Variants in KRT8 observed in about 807,000 individuals in gnomAD.
The protein encoded by KRT8 is keratin 8, also known as keratin, type II cytoskeletal 8.
KRT8 carries 24 observed loss-of-function variants against 43.0 expected under a neutral mutation model. That is an observed-to-expected ratio of 0.56 (90% CI 0.40 to 0.78). The LOEUF (loss-of-function observed/expected upper bound fraction) is 0.78. Among genes scored for constraint, KRT8 ranks in the 30% least tolerant of loss-of-function variants. The pLI is 0.00. For missense variants in KRT8, 492 were observed against 638.4 expected, an observed-to-expected ratio of 0.77 and a Z score of 2.47; for synonymous variants, 214 against 261.2, an observed-to-expected ratio of 0.82 and a Z score of 1.74.
chr12:52,924,245 G>A (rs898370265), intron 2 of KRT8, among the ~76,000 whole-genome samples: 1 of 152,008 alleles, frequency 6.6e-6, no homozygotes, highest in Non-Finnish European at 1.5e-5. Flanking sequence ...TCAGGAAATC[G>A]AGACCATCCT....
intron 2 of KRT8, among the ~76,000 whole-genome samples, chr12:52,942,366 C>T (rs1942281694): frequency 1.3e-5 from 2 of 152,220 alleles, no homozygotes; most frequent in African/African-American, 4.8e-5. Context: ...GGGATTCAAA[C>T]TGAGATCTGT....
At chr12:52,938,170 A>ATT (rs780140219) in intron 2 of KRT8, among the ~76,000 whole-genome samples, 1,890 of 29,696 alleles carry the variant, frequency 0.064, 207 homozygotes, top group African/African-American at 0.091. Context: ...ATATATATAT[A>ATT]TTTTTTTTTT....
exon 8 of KRT8, chr12:52,897,503 C>CCTGGAGGAGCTGGTGCGG (rs1941240820): frequency 6.3e-7 from 1 of 1,598,992 alleles, no homozygotes; most frequent in Non-Finnish European, 8.5e-7. Flanking sequence ...CAACCACGGC[C>CCTGGAGGAGCTGGTGCGG]CTGGAGGAGC....
intron 2 of KRT8, among the ~76,000 whole-genome samples, chr12:52,926,174 G>A (rs921448608): frequency 1.8e-5 from 2 of 111,254 alleles, no homozygotes; most frequent in African/African-American, 3.5e-5. Flanking sequence ...TCTCCTGCTC[G>A]CTCAGGTATC....
chr12:52,900,017 A>C lies in KRT8; in HGVS notation c.739T>G (p.Ser247Ala), dbSNP rs764434285. Residue 247 changes from serine (S) to alanine (A), a missense_variant, in exon 5 of 8, where the codon TCC becomes GCC. Ser to Ala is a moderately conservative substitution (Grantham distance 99). This residue lies in a region of KRT8 where 389 missense variants were observed against 485.7 expected (regional missense o/e 0.80). Transcript: ENST00000692008. ...TCCAGGGAGCGGCTGTTGTCCATGGACAGCACCACAGATGTGTCCGAGATC... is the reference window on the plus strand; with the variant it reads ...TCCAGGGAGCGGCTGTTGTCCATGGCCAGCACCACAGATGTGTCCGAGATC... The C allele has an allele frequency of 5.0e-6, 8 of 1,612,896 alleles. No individual in the cohort carries two copies. The South Asian group carries it at 7.7e-5, about 16-fold the overall frequency.
chr12:52,929,742 C>T (rs981714829), intron 2 of KRT8, among the ~76,000 whole-genome samples: 2 of 152,128 alleles, frequency 1.3e-5, no homozygotes, highest in Non-Finnish European at 2.9e-5. Flanking sequence ...CCCACAGAGG[C>T]CAGATTAAGA....
chr12:52,919,462 T>C (rs1035012363), intron 2 of KRT8, among the ~76,000 whole-genome samples: 17 of 151,530 alleles, frequency 1.1e-4, no homozygotes, highest in African/African-American at 3.9e-4. Flanking sequence ...GAGACAGGGT[T>C]TCACCATGTT....
chr12:52,909,462 C>T (rs1335309717), upstream of KRT8, among the ~76,000 whole-genome samples: 2 of 152,212 alleles, frequency 1.3e-5, no homozygotes, highest in Non-Finnish European at 2.9e-5. Flanking sequence ...ATAATAGAGT[C>T]AATTCGATTG....
At chr12:52,899,805 G>A (rs1471980405) in exon 5 of KRT8, 1 of 1,611,972 alleles carries the variant, frequency 6.2e-7, no homozygotes. Flanking sequence ...TCTCAGCCTG[G>A]AGCCGGCTGA....
intron 2 of KRT8, chr12:52,948,527 T>A: frequency 6.1e-6 from 1 of 162,650 alleles, no homozygotes; most frequent in Non-Finnish European, 1.2e-5. Flanking sequence ...AGACAGAGTC[T>A]CACTCTGTCG....
upstream of KRT8, among the ~76,000 whole-genome samples, chr12:52,907,474 C>CA (rs543145853): frequency 2.3e-3 from 355 of 152,162 alleles, 3 homozygotes; most frequent in Middle Eastern, 6.8e-3. Flanking sequence ...GCACAAGGAG[C>CA]AAAAAAACAG....
At position 52,904,639 on chromosome 12, in the gene KRT8, A is replaced by G. The variant is rs1481511498; in HGVS notation, c.324+19T>C. The G allele has an allele frequency of 2.5e-6, 4 of 1,608,346 alleles. No individual in the cohort carries two copies. In the South Asian group the frequency reaches 4.4e-5, roughly 18 times the overall value. ...AAAGGGGCTGCGGGCACAGTCAGCC[A>G]CGCAGGGGGGACCCTCACCTTGTCT... On this transcript the variant is annotated intron_variant, in intron 1 of 7. Coordinates refer to ENST00000692008, the Ensembl canonical transcript of KRT8.
At chr12:52,937,369 T>C (rs1406196600) in intron 2 of KRT8, among the ~76,000 whole-genome samples, 3 of 142,594 alleles carry the variant, frequency 2.1e-5, no homozygotes, top group Non-Finnish European at 4.5e-5. Flanking sequence ...CAAGACTCGG[T>C]CTCTAAAAAA....
At chr12:52,916,778 G>T (rs769462877) in intron 2 of KRT8, among the ~76,000 whole-genome samples, 1 of 152,318 alleles carries the variant, frequency 6.6e-6, no homozygotes, top group South Asian at 2.1e-4. Context: ...GGACAAGCCC[G>T]CCTTCTCGCA....
intron 2 of KRT8, among the ~76,000 whole-genome samples, chr12:52,923,931 G>A (rs571462034): frequency 1.3e-5 from 2 of 149,688 alleles, no homozygotes; most frequent in South Asian, 2.1e-4. Flanking sequence ...TGCAACCTCC[G>A]CCTCCCGGGT....
At chr12:52,928,187 G>A (rs1437743085) in intron 2 of KRT8, among the ~76,000 whole-genome samples, 1 of 152,218 alleles carries the variant, frequency 6.6e-6, no homozygotes, top group Non-Finnish European at 1.5e-5. Flanking sequence ...TCCTGAAGGA[G>A]GATGTCTCAG....
At chr12:52,915,515 C>T (rs1941719420) in intron 2 of KRT8, among the ~76,000 whole-genome samples, 1 of 152,010 alleles carries the variant, frequency 6.6e-6, no homozygotes, top group Non-Finnish European at 1.5e-5. Context: ...CGAGACCAGC[C>T]TGGTCAACAT....
upstream of KRT8, among the ~76,000 whole-genome samples, chr12:52,907,705 T>G (rs1941550601): frequency 6.6e-6 from 1 of 152,158 alleles, no homozygotes; most frequent in Admixed American, 6.5e-5. Flanking sequence ...TGTGTCTCAT[T>G]TGTCATCTCT....
chr12:52,942,990 T>C (rs1942290354), intron 2 of KRT8, among the ~76,000 whole-genome samples: 2 of 152,034 alleles, frequency 1.3e-5, no homozygotes, highest in Admixed American at 1.3e-4. Flanking sequence ...AGCTTAAATG[T>C]CACTCCACTC....
Sources: gnomAD v4.1 joint callset for allele counts (sites outside exome capture counted in the v4.1 genomes callset) on GRCh38, gnomAD v4.1.1 for gene constraint, gnomAD v4.1.1 regional missense constraint, MANE v1.5 for transcripts, NCBI Gene and HGNC (gene_info 2026-07-23, HGNC 2026-07-21) for gene names.